The following NELL1 variants were observed in gnomAD, a reference collection of about 807,000 sequenced individuals.
The protein encoded by NELL1 is protein kinase C-binding protein NELL1.
NELL1 carries 76 observed loss-of-function variants against 107.4 expected under a neutral mutation model. That is an observed-to-expected ratio of 0.71 (90% confidence interval 0.59 to 0.86). NELL1 has a LOEUF of 0.86. Among genes scored for constraint, NELL1 ranks in the 40% least tolerant of loss-of-function variants. NELL1 has a pLI of 0.00. For synonymous variants in NELL1, 353 were observed against 341.2 expected (o/e 1.03, Z -0.38); for missense variants, 1,024 against 1,005.5 (o/e 1.02, Z -0.25).
chr11:21,265,512 C>A (rs1848618355), intron 14 of NELL1, among the ~76,000 whole-genome samples: 1 of 151,908 alleles, frequency 6.6e-6, no homozygotes, highest in Non-Finnish European at 1.5e-5. Flanking sequence ...TGAGAAATTG[C>A]ATTAATTGTG....
intron 13 of NELL1, among the ~76,000 whole-genome samples, chr11:21,121,893 G>A (rs1022821590): frequency 6.6e-6 from 1 of 152,132 alleles, no homozygotes; most frequent in Non-Finnish European, 1.5e-5. Context: ...TACTGGAAAA[G>A]CCAAAGACCA....
At chr11:20,706,186 T>C (rs1019640897) in intron 2 of NELL1, among the ~76,000 whole-genome samples, 5 of 152,146 alleles carry the variant, frequency 3.3e-5, no homozygotes, top group Non-Finnish European at 7.3e-5. Context: ...CAAAGGACTA[T>C]AAATCATGCT....
chr11:20,854,502 T>C (rs1216062594), intron 4 of NELL1, among the ~76,000 whole-genome samples: 2 of 152,232 alleles, frequency 1.3e-5, no homozygotes, highest in African/African-American at 4.8e-5. Context: ...TGAATTTATA[T>C]GTGAGTTGGC....
At chr11:21,080,631 A>G (rs1359051188) in intron 12 of NELL1, among the ~76,000 whole-genome samples, 2 of 152,066 alleles carry the variant, frequency 1.3e-5, no homozygotes, top group Non-Finnish European at 2.9e-5. Flanking sequence ...CAAAAAGAAC[A>G]TTTCAGTGAA....
intron 15 of NELL1, among the ~76,000 whole-genome samples, chr11:21,489,781 A>T (rs1161811195): frequency 6.6e-6 from 1 of 152,154 alleles, no homozygotes; most frequent in Non-Finnish European, 1.5e-5. Flanking sequence ...ATCTAGGAAT[A>T]GAAGGAACAT....
rs1178926310 is a variant in NELL1 at position 21,370,972 on chromosome 11, G to C, written c.1645+24G>C. ...AGGTAATCTAGCTTGTTTTATGGGG[G>C]ATAGGGACAAAGATTGGTAGAAAGA... is the stretch of plus-strand genomic sequence containing the variant. On this transcript the variant is annotated intron_variant, in intron 15 of 19. Coordinates refer to ENST00000357134, the MANE Select transcript of NELL1 (RefSeq NM_006157.5). 4 of 1,529,312 alleles carry C rather than the reference G, an allele frequency of 2.6e-6. No homozygotes were observed. In the East Asian group the frequency reaches 9.1e-5, roughly 35 times the overall value. 94.7% of individuals were successfully genotyped at this position (1,529,312 alleles called of 1,614,324 possible).
At chr11:21,111,174 T>A (rs1239015916) in intron 12 of NELL1, among the ~76,000 whole-genome samples, 1 of 152,088 alleles carries the variant, frequency 6.6e-6, no homozygotes, top group East Asian at 1.9e-4. Flanking sequence ...ATTCCTCTTG[T>A]TGAAAGATCT....
intron 12 of NELL1, among the ~76,000 whole-genome samples, chr11:21,015,151 G>A (rs1169107686): frequency 6.6e-6 from 1 of 151,890 alleles, no homozygotes; most frequent in Admixed American, 6.6e-5. Flanking sequence ...TATTCTGTGA[G>A]TGTAGTGCTC....
At chr11:21,021,328 T>C (rs1265808303) in intron 12 of NELL1, among the ~76,000 whole-genome samples, 1 of 151,962 alleles carries the variant, frequency 6.6e-6, no homozygotes, top group African/African-American at 2.4e-5. Context: ...AACTTCAATA[T>C]CTCTTTCATG....
intron 12 of NELL1, among the ~76,000 whole-genome samples, chr11:20,964,408 A>G (rs1277376342): frequency 6.6e-6 from 1 of 152,210 alleles, no homozygotes; most frequent in Non-Finnish European, 1.5e-5. Context: ...TGTGGAAAGC[A>G]CTACAATTAA....
chr11:21,235,309 C>A (rs1000628719), intron 14 of NELL1, among the ~76,000 whole-genome samples: 2 of 152,054 alleles, frequency 1.3e-5, no homozygotes, highest in African/African-American at 4.8e-5. Flanking sequence ...TAAGAGTGCT[C>A]CTCTGGTTAT....
At chr11:21,057,788 T>C (rs1853646474) in intron 12 of NELL1, among the ~76,000 whole-genome samples, 1 of 152,036 alleles carries the variant, frequency 6.6e-6, no homozygotes, top group Non-Finnish European at 1.5e-5. Context: ...TGGATAGTTT[T>C]TAAAATTTTG....
At chr11:20,695,996 G>A (rs1854605167) in intron 2 of NELL1, among the ~76,000 whole-genome samples, 1 of 151,970 alleles carries the variant, frequency 6.6e-6, no homozygotes, top group Non-Finnish European at 1.5e-5. Context: ...TTCCTTCTTG[G>A]TTCAATCATG....
Position 20,815,010 on chromosome 11 carries a change from A to T in NELL1, c.335+31180A>T, listed in dbSNP as rs549258894. 1.6e-3 allele frequency among the ~76,000 whole-genome samples: 239 copies of T among 152,216 alleles called. 1 individual carries two copies. The highest frequency in any genetic ancestry group is 5.4e-3 in the African/African-American group (224 of 41,536). ...CTTTTTAATAGTGGCCATTCTGATT[A>T]GTGTGAGATGGGCCCATTGTGGTTT... On this transcript the variant is annotated intron_variant, in intron 3 of 19. Transcript: ENST00000357134.
intron 9 of NELL1, among the ~76,000 whole-genome samples, chr11:20,930,329 G>A (rs1426008623): frequency 2.0e-5 from 3 of 152,094 alleles, no homozygotes; most frequent in South Asian, 2.1e-4. Flanking sequence ...GTTGTATTGT[G>A]TGGGCAATTT....
intron 3 of NELL1, among the ~76,000 whole-genome samples, chr11:20,784,252 A>T (rs973373843): frequency 6.6e-6 from 1 of 152,248 alleles, no homozygotes; most frequent in East Asian, 1.9e-4. Context: ...AGATAGACAA[A>T]TAAATATAAT....
chr11:20,783,188 C>G (rs2133981879), intron 2 of NELL1, among the ~76,000 whole-genome samples: 1 of 152,310 alleles, frequency 6.6e-6, no homozygotes, highest in East Asian at 1.9e-4. Context: ...GAGAAGGAAG[C>G]TGTGTCCATG....
chr11:20,692,630 A>G (rs557262406), intron 2 of NELL1, among the ~76,000 whole-genome samples: 5 of 150,962 alleles, frequency 3.3e-5, no homozygotes, highest in African/African-American at 1.2e-4. Flanking sequence ...TTCTAGTTTG[A>G]TTACACTGTG....
At chr11:20,798,658 T>G (rs887679107) in intron 3 of NELL1, among the ~76,000 whole-genome samples, 5 of 152,148 alleles carry the variant, frequency 3.3e-5, no homozygotes, top group African/African-American at 1.2e-4. Context: ...ACTTGCTGAT[T>G]TCTGGGTGAA....
Sources: allele counts gnomAD v4.1 joint callset (sites outside exome capture counted in the v4.1 genomes callset), GRCh38; gene constraint gnomAD v4.1.1; transcripts MANE v1.5; gene names NCBI Gene and HGNC (gene_info 2026-07-23, HGNC 2026-07-21).